CD47: variants seen among roughly 807,000 people sequenced by gnomAD.
CD47 encodes the protein leukocyte surface antigen CD47.
In CD47, 11 loss-of-function variants were observed where a neutral mutation model predicts 44.6. The observed-to-expected ratio is 0.25, with a 90% CI of 0.16 to 0.41. CD47 has a LOEUF of 0.41. Among genes scored for constraint, CD47 ranks in the 10% least tolerant of loss-of-function variants. The pLI, the probability that CD47 is intolerant of heterozygous loss-of-function variation, is 1.00. For synonymous variants in CD47, 140 were observed against 136.3 expected, an observed-to-expected ratio of 1.03 and a Z score of -0.19; for missense variants, 306 against 386.7, an observed-to-expected ratio of 0.79 and a Z score of 1.75.
At position 108,052,042 on chromosome 3, in the gene CD47, T is replaced by G. The variant is rs2078837998; in HGVS notation, c.878-72A>C. On this transcript the variant is annotated intron_variant, in intron 7 of 10. Coordinates refer to ENST00000361309, the MANE Select transcript of CD47 (RefSeq NM_001777.4). ...ACTAAGGCATTTGGTAATGTTTAATTTTAAGATAAAATGTTCAGGGCTAAA... is the reference window on the plus strand; with the variant it reads ...ACTAAGGCATTTGGTAATGTTTAATGTTAAGATAAAATGTTCAGGGCTAAA... 3 of 760,790 alleles carry G rather than the reference T, an allele frequency of 3.9e-6. No homozygotes were observed. In the East Asian group the frequency reaches 8.5e-5, roughly 22 times the overall value. The allele number at this position is 760,790 out of a possible 1,614,324, so 47.1% of individuals were successfully genotyped here.
intron 7 of CD47, 126 bp downstream of exon 7, chr3:108,057,351 C>T (rs568966784): frequency 3.6e-6 from 2 of 555,876 alleles, no homozygotes; most frequent in Non-Finnish European, 6.7e-6. Flanking sequence ...CTTTAATTAT[C>T]CTCGAATCAC....
intron 3 of CD47, among the ~76,000 whole-genome samples, chr3:108,066,935 A>G (rs953584372): frequency 5.3e-5 from 8 of 152,220 alleles, no homozygotes; most frequent in African/African-American, 1.9e-4. Context: ...ATTCAAAAAA[A>G]CATTAAAGGA....
chr3:108,070,602 G>A (rs941761498), intron 3 of CD47, among the ~76,000 whole-genome samples: 3 of 152,150 alleles, frequency 2.0e-5, no homozygotes, highest in Non-Finnish European at 4.4e-5. Context: ...CTGCAGAACT[G>A]CACGCAGAGG....
rs774152967 is a variant in CD47 at position 108,062,642 on chromosome 3, C to CT, written c.491-1791dup. On this transcript the variant is annotated intron_variant, in intron 3 of 10. Coordinates refer to ENST00000361309, the MANE Select transcript of CD47 (RefSeq NM_001777.4). ...TCTTCTATATTTTTCTTTTTCTTTT[C>CT]TTTTTTTTTTTTTTTGGAGACAGAG... Among the ~76,000 whole-genome samples, 940 of 138,056 alleles carry CT rather than the reference C, an allele frequency of 6.8e-3. 4 individuals are homozygous for CT. The highest frequency in any genetic ancestry group is 0.01 in the African/African-American group (398 of 38,172). 90.6% of individuals were successfully genotyped at this position (138,056 alleles called of 152,430 possible).
intron 4 of CD47, among the ~76,000 whole-genome samples, 154 bp from the exon 5 acceptor site, chr3:108,059,698 A>G (rs1247109794): frequency 1.3e-5 from 2 of 152,218 alleles, no homozygotes; most frequent in African/African-American, 2.4e-5. Flanking sequence ...ATTAAGACCA[A>G]ACTTAAGACA....
In CD47 at chr3:108,043,183, T is replaced by G. The variant is rs1168424540; in HGVS notation, c.*4105A>C. 6.6e-6 allele frequency: 1 copy of G among 152,646 alleles called. No homozygotes were observed. The highest frequency in any genetic ancestry group is 1.5e-5 in the Non-Finnish European group (1 of 68,046). The allele number at this position is 152,646 out of a possible 1,614,324, so 9.5% of individuals were successfully genotyped here. Reference sequence around the variant, plus strand: ...AAAAATTCATAATTAATATTTTAAATCATTCTTTACATTGTTACCTAGAAT... The same window carrying G: ...AAAAATTCATAATTAATATTTTAAAGCATTCTTTACATTGTTACCTAGAAT... On this transcript the variant is annotated 3_prime_UTR_variant, in exon 11 of 11. Transcript: ENST00000361309.
In CD47 at chr3:108,047,037, A is replaced by C. The variant is rs2078731675; in HGVS notation, c.*251T>G. On this transcript the variant is annotated 3_prime_UTR_variant, in exon 11 of 11. Transcript: ENST00000361309. The stretch of plus-strand genomic sequence containing the variant: ...TTCTACTATTGCCCCTAATTGATTA[A>C]AAATAACAACAAAAAACTGGATCTC... 2.4e-6 allele frequency: 1 copy of C among 419,802 alleles called. No homozygotes were observed. The highest frequency in any genetic ancestry group is 4.2e-6 in the Non-Finnish European group (1 of 237,238). The allele number at this position is 419,802 out of a possible 1,614,324, so 26.0% of individuals were successfully genotyped here.
intron 2 of CD47, among the ~76,000 whole-genome samples, chr3:108,071,492 G>A (rs2079201763): frequency 6.6e-6 from 1 of 152,116 alleles, no homozygotes; most frequent in Admixed American, 6.5e-5. Flanking sequence ...ACACTGCCAG[G>A]GTTTGAACCC....
At chr3:108,058,537 C>A in intron 5 of CD47, 108 bp from the exon 6 acceptor site, 1 of 628,478 alleles carries the variant, frequency 1.6e-6, no homozygotes, top group Non-Finnish European at 2.7e-6. Context: ...CAAAGACTGA[C>A]TCTGGAGTTC....
intron 3 of CD47, among the ~76,000 whole-genome samples, chr3:108,068,331 T>C (rs1016564183): frequency 2.0e-5 from 3 of 152,290 alleles, no homozygotes; most frequent in South Asian, 4.1e-4. Flanking sequence ...CTGGCTTAAA[T>C]GTGGGTGCTA....
At chr3:108,079,728 T>C (rs1288622304) in intron 2 of CD47, among the ~76,000 whole-genome samples, 1 of 151,792 alleles carries the variant, frequency 6.6e-6, no homozygotes, top group Admixed American at 6.6e-5. Context: ...AAAATGGTCC[T>C]TAGACCAAAA....
At chr3:108,075,650 T>TC (rs1288747331) in intron 2 of CD47, among the ~76,000 whole-genome samples, 1 of 152,194 alleles carries the variant, frequency 6.6e-6, no homozygotes, top group Non-Finnish European at 1.5e-5. Flanking sequence ...TATAATTCCC[T>TC]CCCCTTGTGT....
At chr3:108,055,181 G>T (rs1206242876) in intron 7 of CD47, among the ~76,000 whole-genome samples, 1 of 151,958 alleles carries the variant, frequency 6.6e-6, no homozygotes, top group Non-Finnish European at 1.5e-5. Context: ...GCAAATTAAG[G>T]CTACAAATTT....
intron 9 of CD47, among the ~76,000 whole-genome samples, chr3:108,050,121 C>G (rs944414058): frequency 2.6e-5 from 4 of 151,922 alleles, no homozygotes; most frequent in Non-Finnish European, 4.4e-5. Flanking sequence ...ATTCATAATT[C>G]TTTTTTATTT....
intron 8 of CD47, chr3:108,050,971 T>A (rs763697599): frequency 2.2e-4 from 51 of 232,330 alleles, no homozygotes; most frequent in Non-Finnish European, 5.2e-5. Context: ...CATCTTTAAG[T>A]ATCGCAAATT....
intron 1 of CD47, among the ~76,000 whole-genome samples, chr3:108,087,036 A>G (rs906102316): frequency 3.3e-5 from 5 of 152,124 alleles, no homozygotes; most frequent in Non-Finnish European, 7.4e-5. Flanking sequence ...ACACACCACT[A>G]TTTTTTGCAG....
At chr3:108,059,396 G>T in intron 5 of CD47, 56 bp downstream of exon 5, 2 of 821,890 alleles carry the variant, frequency 2.4e-6, no homozygotes, top group Non-Finnish European at 3.8e-6. Context: ...CACCAAAACT[G>T]CTGTTTTGTA....
At chr3:108,067,162 G>C (rs1041623882) in intron 3 of CD47, among the ~76,000 whole-genome samples, 1 of 152,064 alleles carries the variant, frequency 6.6e-6, no homozygotes, top group South Asian at 2.1e-4. Context: ...CTAAATACTA[G>C]CTTTACTATT....
rs2078722083 is a variant in CD47, at chr3:108,046,338, A to C, written c.*950T>G. ...TCTTGCTTTTTTCATGCCCCAGATC[A>C]GAAAAGAAGTGAAGAAACACTGTAG... On this transcript the variant is annotated 3_prime_UTR_variant, in exon 11 of 11. Transcript: ENST00000361309. 6.6e-6 allele frequency: 1 copy of C among 152,670 alleles called. No individual in the cohort carries two copies. Among genetic ancestry groups the C allele is most frequent in the Non-Finnish European group, 1.5e-5 (1 of 68,048 alleles). The allele number at this position is 152,670 out of a possible 1,614,324, so 9.5% of individuals were successfully genotyped here. A position where few individuals can be genotyped will look rare whatever the true frequency, so the allele number is the denominator to read the frequency against.
Sources: gnomAD v4.1 joint callset for allele counts (sites outside exome capture counted in the v4.1 genomes callset) on GRCh38, gnomAD v4.1.1 for gene constraint, MANE v1.5 for transcripts, NCBI Gene and HGNC (gene_info 2026-07-23, HGNC 2026-07-21) for gene names.